Variants in PKD2L1 observed in about 807,000 individuals in gnomAD.
PKD2L1 encodes the protein polycystin 2 like 1, transient receptor potential cation channel.
A neutral mutation model predicts 93.0 loss-of-function variants in PKD2L1; 77 were observed. That is an observed-to-expected ratio of 0.83 (90% CI 0.69 to 1.00). The LOEUF (loss-of-function observed/expected upper bound fraction) is 1.00, where lower values mean the gene tolerates loss of function less well. Ranked by LOEUF, PKD2L1 falls within the 50% of genes least tolerant of loss-of-function variation. The pLI, the probability that PKD2L1 is intolerant of heterozygous loss-of-function variation, is 0.00. For missense variants in PKD2L1, 977 were observed against 990.9 expected (o/e 0.99, Z 0.19); for synonymous variants, 390 against 388.0 (o/e 1.01, Z -0.06).
intron 7 of PKD2L1, 139 bp from the exon 8 acceptor site, chr10:100,295,262 T>A (rs1394853336): frequency 7.5e-6 from 5 of 669,314 alleles, no homozygotes; most frequent in Non-Finnish European, 1.3e-5. Context: ...GAAGGGAGAA[T>A]GATACAAAAA....
At chr10:100,291,869 T>A (rs1848414048) in intron 11 of PKD2L1, among the ~76,000 whole-genome samples, 1 of 152,176 alleles carries the variant, frequency 6.6e-6, no homozygotes, top group South Asian at 2.1e-4. Context: ...CCTTGCCTGT[T>A]TCTCTGGTCT....
At chr10:100,315,880 T>C (rs1564891853) in intron 2 of PKD2L1, among the ~76,000 whole-genome samples, 1 of 152,264 alleles carries the variant, frequency 6.6e-6, no homozygotes, top group East Asian at 1.9e-4. Flanking sequence ...AGCAAGCAAA[T>C]GGCAATGACT....
At chr10:100,300,235 G>A (rs560067308) in intron 2 of PKD2L1, among the ~76,000 whole-genome samples, 21 of 152,282 alleles carry the variant, frequency 1.4e-4, no homozygotes, top group Non-Finnish European at 2.2e-4. Flanking sequence ...AGCCATGGGA[G>A]TGGCAGGTAG....
intron 6 of PKD2L1, among the ~76,000 whole-genome samples, 162 bp from the exon 7 acceptor site, chr10:100,296,454 G>A (rs1589663380): frequency 6.6e-6 from 1 of 152,284 alleles, no homozygotes; most frequent in East Asian, 1.9e-4. Context: ...AACTTGGTAG[G>A]ATGACTGGGG....
At position 100,290,486 on chromosome 10, in the gene PKD2L1, G is replaced by A. The variant is rs369959332; in HGVS notation, c.2041C>T (p.Arg681Ter). The change falls in exon 13 of 16, where the codon CGA becomes TGA. Residue 681 changes from arginine to a stop codon, truncating the protein, a stop_gained. Transcript: ENST00000318222. LOFTEE classifies it high-confidence loss of function. ...CCTTGTGGGCTGCTCACAATAGATC[G>A]GCCTAGTTTCTCAATCTCAGTGTTG... ...ALNTEIEKLG[R>*]SIVSSPQGKS... The A allele has an allele frequency of 5.0e-5, 81 of 1,613,194 alleles. No individual in the cohort carries two copies. The highest frequency in any genetic ancestry group is 6.8e-5 in the Non-Finnish European group (80 of 1,179,898).
Position 100,297,108 on chromosome 10 carries a change from C to A in PKD2L1, c.1057G>T (p.Val353Phe). Reference protein sequence around the residue: ...RYVSNWDFFIVGCEVIFCVFI... With the variant: ...RYVSNWDFFIFGCEVIFCVFI... ...ACGCAGAAGATGACCTCACAGCCAA[C>A]GATAAAGAAGTCCCAGTTGCTGACA... Residue 353 changes from valine to phenylalanine, a missense_variant, in exon 6 of 16, where the codon GTT (valine) becomes TTT (phenylalanine). Val to Phe is a conservative substitution (Grantham distance 50). Transcript: ENST00000318222. The A allele has an allele frequency of 6.2e-7, 1 of 1,614,118 alleles. No homozygotes were observed. Among genetic ancestry groups the A allele is most frequent in the South Asian group, 1.1e-5 (1 of 91,090 alleles).
intron 5 of PKD2L1, 34 bp downstream of exon 5, chr10:100,297,348 G>A (rs1589664289): frequency 1.3e-6 from 2 of 1,575,350 alleles, no homozygotes; most frequent in Non-Finnish European, 1.7e-6. Flanking sequence ...CAGGAGCCAT[G>A]GACAGGGTGA....
chr10:100,314,983 GAAGGAAGGAAGGAAGGAAGGAAGGAA>G (rs1271450362), intron 2 of PKD2L1, among the ~76,000 whole-genome samples: 4,268 of 15,038 alleles, frequency 0.28, 533 homozygotes, highest in Admixed American at 0.37. Context: ...AGGAAGGAAG[GAAGGAAGGAAGGAAGGAAGGAAGGAA>G]GGAAGGGAAG....
chr10:100,299,562 G>A lies in PKD2L1; in HGVS notation c.477+29C>T, dbSNP rs11816092. The A allele has an allele frequency of 1.7e-4, 277 of 1,608,436 alleles. No individual in the cohort carries two copies. The African/African-American group carries it at 3.4e-3, about 20-fold the overall frequency. Reference sequence around the variant, plus strand: ...GGCCTCAGGCCATTGAGAAAGAGAGGGGAGGGGTAGAAAAGATCTTATACT... The same window carrying A: ...GGCCTCAGGCCATTGAGAAAGAGAGAGGAGGGGTAGAAAAGATCTTATACT... On this transcript the variant is annotated intron_variant, in intron 3 of 15. Transcript: ENST00000318222.
intron 2 of PKD2L1, among the ~76,000 whole-genome samples, chr10:100,322,116 C>T (rs981010940): frequency 6.6e-6 from 1 of 151,722 alleles, no homozygotes; most frequent in African/African-American, 2.4e-5. Flanking sequence ...GACCCAGTTA[C>T]TTTTAGGGCT....
chr10:100,291,981 C>G (rs1326669721), intron 11 of PKD2L1, among the ~76,000 whole-genome samples: 3 of 151,858 alleles, frequency 2.0e-5, no homozygotes, highest in African/African-American at 7.3e-5. Context: ...TTTCAGACCT[C>G]TATGCTTTTG....
intron 14 of PKD2L1, 47 bp from the exon 15 acceptor site, chr10:100,289,103 T>A: frequency 7.2e-7 from 1 of 1,380,542 alleles, no homozygotes; most frequent in South Asian, 1.2e-5. Context: ...ATAGTTTGTG[T>A]ACCACTTTTC....
At chr10:100,316,671 A>C (rs1413117315) in intron 2 of PKD2L1, among the ~76,000 whole-genome samples, 1 of 152,240 alleles carries the variant, frequency 6.6e-6, no homozygotes, top group East Asian at 1.9e-4. Context: ...GCTTAGACTC[A>C]GTCTCTGAGC....
At chr10:100,307,526 G>T (rs1848832153) in intron 2 of PKD2L1, among the ~76,000 whole-genome samples, 1 of 152,182 alleles carries the variant, frequency 6.6e-6, no homozygotes, top group Admixed American at 6.5e-5. Flanking sequence ...CAGGCTTGGT[G>T]GTGGGCACCT....
intron 2 of PKD2L1, among the ~76,000 whole-genome samples, chr10:100,305,837 C>G (rs983054858): frequency 7.2e-5 from 11 of 152,062 alleles, no homozygotes; most frequent in African/African-American, 2.7e-4. Flanking sequence ...CTTAACCCAC[C>G]GATGATAAGC....
Position 100,288,199 on chromosome 10 carries a change from A to G in PKD2L1, c.*197T>C. 1.9e-6 allele frequency: 1 copy of G among 521,366 alleles called. No individual in the cohort carries two copies. Among genetic ancestry groups the G allele is most frequent in the South Asian group, 3.0e-5 (1 of 33,258 alleles). 32.3% of individuals were successfully genotyped at this position (521,366 alleles called of 1,614,324 possible). On this transcript the variant is annotated 3_prime_UTR_variant, in exon 16 of 16. Transcript: ENST00000318222. Reference sequence around the variant, plus strand: ...CCACCATGGAAACCCACATGGTCTTATGGAAGAATAATGTCAGAACCCACC... The same window carrying G: ...CCACCATGGAAACCCACATGGTCTTGTGGAAGAATAATGTCAGAACCCACC...
intron 2 of PKD2L1, among the ~76,000 whole-genome samples, chr10:100,304,979 A>G (rs1848765065): frequency 6.6e-6 from 1 of 152,192 alleles, no homozygotes; most frequent in South Asian, 2.1e-4. Context: ...AATACCTTTT[A>G]GGCAACTCAA....
rs866987564 is a variant in PKD2L1 at position 100,329,911 on chromosome 10, G to A, written c.193C>T (p.Gln65Ter). 1.2e-6 allele frequency: 2 copies of A among 1,613,620 alleles called. No homozygotes were observed. The highest frequency in any genetic ancestry group is 2.7e-5 in the African/African-American group (2 of 74,916). ...DEPQETAYRT[Q>*]VSSCCLHICQ... ...ATATGGAGGCAGCAGCTGGACACCT[G>A]GGTCCTGTATGCCGTCTCCTGGGGT... The change falls in exon 1 of 16, where the codon CAG becomes TAG. Residue 65 changes from glutamine to a stop codon, truncating the protein, a stop_gained. Transcript: ENST00000318222. LOFTEE classifies it high-confidence loss of function.
At position 100,329,278 on chromosome 10, in the gene PKD2L1, T is replaced by C. The variant is rs1025014039; in HGVS notation, c.282A>G (p.Glu94=). ...CCCTCAGGGTGGTCTTGATATAAAG[T>C]TCCCGGTTCTCAGCTGTGTTCTCAG... ...TLTENTAENR[E]LYIKTTLREL... is the part of the protein sequence containing the mutation. The change falls in exon 2 of 16, where the codon GAA becomes GAG. Residue 94 remains glutamate (E), a synonymous_variant. Transcript: ENST00000318222. 3 of 1,614,026 alleles carry C rather than the reference T, an allele frequency of 1.9e-6. No homozygotes were observed. In the African/African-American group the frequency reaches 4.0e-5, roughly 22 times the overall value.
Sources: gnomAD v4.1 joint callset for allele counts (sites outside exome capture counted in the v4.1 genomes callset) on GRCh38, gnomAD v4.1.1 for gene constraint, MANE v1.5 for transcripts, NCBI Gene and HGNC (gene_info 2026-07-23, HGNC 2026-07-21) for gene names.